AASS: variants seen among roughly 807,000 people sequenced by gnomAD.
The protein encoded by AASS is alpha-aminoadipic semialdehyde synthase, mitochondrial.
Under a neutral mutation model 105.4 loss-of-function variants are expected in AASS, and 86 were observed. That is an observed-to-expected ratio of 0.82 (90% CI 0.69 to 0.98). The LOEUF (loss-of-function observed/expected upper bound fraction) is 0.98. Ranked by LOEUF, AASS falls within the 50% of genes least tolerant of loss-of-function variation. The pLI is 0.00. For synonymous variants in AASS, 381 were observed against 394.8 expected (o/e 0.96, Z 0.41); for missense variants, 1,048 against 1,143.2 (o/e 0.92, Z 1.20).
In AASS at chr7:122,118,580, G is replaced by A. The variant is rs138307481; in HGVS notation, c.523C>T (p.His175Tyr). 3.3e-5 allele frequency: 54 copies of A among 1,613,944 alleles called. No individual in the cohort carries two copies. Among genetic ancestry groups the A allele is most frequent in the Non-Finnish European group, 4.4e-5 (52 of 1,179,996 alleles). The part of the protein sequence containing the change: ...GMGLRLLALG[H>Y]HTPFMHIGMA... ...TCTCTTACCATAAAAGGTGTGTGAT[G>A]TCCCAAAGCAAGGAGCCTTAAACCC... The change falls in exon 5 of 24, where the codon CAT (histidine) becomes TAT (tyrosine). Residue 175 changes from histidine to tyrosine, a missense_variant. Physicochemically the swap from His to Tyr is moderately conservative, Grantham distance 83. Coordinates refer to ENST00000417368, the MANE Select transcript of AASS (RefSeq NM_005763.4).
At chr7:122,113,807 C>A in intron 9 of AASS, 87 bp from the exon 10 acceptor site, 1 of 1,452,874 alleles carries the variant, frequency 6.9e-7, no homozygotes, top group Non-Finnish European at 9.5e-7. Context: ...GAACAATTTT[C>A]AATGTGGATC....
intron 4 of AASS, among the ~76,000 whole-genome samples, chr7:122,121,315 G>A (rs1476655656): frequency 6.6e-6 from 1 of 151,946 alleles, no homozygotes. Context: ...ATCATTATTG[G>A]TGACATAAGT....
In AASS at chr7:122,113,253, T is replaced by C. The variant is rs780843689; in HGVS notation, c.1167-24A>G. ...CACTAAAAGCAGCAATGTGGTTTAT[T>C]CAGAAGCACAAAACATTATTTGTAA... On this transcript the variant is annotated intron_variant, in intron 10 of 23. Transcript: ENST00000417368. The C allele has an allele frequency of 2.5e-6, 4 of 1,588,728 alleles. No homozygotes were observed. In the Admixed American group the frequency reaches 5.0e-5, roughly 20 times the overall value.
At chr7:122,092,719 A>G (rs1584827968) in intron 17 of AASS, 124 bp downstream of exon 17, 15 of 800,102 alleles carry the variant, frequency 1.9e-5, no homozygotes, top group Middle Eastern at 2.4e-4. Flanking sequence ...AGCAAAACTC[A>G]GTCTCAAAAA....
intron 11 of AASS, among the ~76,000 whole-genome samples, chr7:122,106,782 A>C (rs1794686155): frequency 6.6e-6 from 1 of 152,172 alleles, no homozygotes; most frequent in African/African-American, 2.4e-5. Flanking sequence ...TAAAGAATGA[A>C]ATGTAAAACC....
intron 3 of AASS, among the ~76,000 whole-genome samples, chr7:122,128,321 A>G (rs1010720213): frequency 3.9e-5 from 6 of 152,270 alleles, no homozygotes; most frequent in Admixed American, 1.3e-4. Flanking sequence ...ATTTCTGAAC[A>G]TGGTGTACTC....
intron 15 of AASS, among the ~76,000 whole-genome samples, 148 bp downstream of exon 15, chr7:122,098,295 GCTATATA>G: frequency 1.3e-5 from 2 of 151,912 alleles, no homozygotes; most frequent in South Asian, 4.2e-4. Context: ...AATTCATTGA[GCTATATA>G]CTTATGATTT....
intron 1 of AASS, among the ~76,000 whole-genome samples, chr7:122,134,710 A>G (rs1370998132): frequency 6.6e-6 from 1 of 152,180 alleles, no homozygotes; most frequent in East Asian, 1.9e-4. Flanking sequence ...TGTGGAAGAC[A>G]ATGTGGCGAT....
In AASS at chr7:122,074,277, T is replaced by G. The variant is rs1477803395; in HGVS notation, c.*2212A>C. On this transcript the variant is annotated 3_prime_UTR_variant, in exon 24 of 24. Coordinates refer to ENST00000417368, the MANE Select transcript of AASS (RefSeq NM_005763.4). ...GCTTATTGGCCTTTTGTGTATCTTC[T>G]TTGGAGAACTGTTAATTCAGATCTC... 1.3e-5 allele frequency among the ~76,000 whole-genome samples: 2 copies of G among 152,220 alleles called. No individual in the cohort carries two copies. Among genetic ancestry groups the G allele is most frequent in the African/African-American group, 4.8e-5 (2 of 41,456 alleles).
intron 18 of AASS, among the ~76,000 whole-genome samples, chr7:122,090,316 CA>C (rs1371392795): frequency 1.3e-5 from 2 of 152,086 alleles, no homozygotes; most frequent in Non-Finnish European, 2.9e-5. Flanking sequence ...TTCTCAAATT[CA>C]GCTGCATATT....
chr7:122,141,486 G>A (rs182009132), intron 1 of AASS, among the ~76,000 whole-genome samples: 2 of 152,102 alleles, frequency 1.3e-5, no homozygotes, highest in African/African-American at 4.8e-5. Flanking sequence ...ACTCATCTCT[G>A]TATTCCCAAT....
intron 19 of AASS, among the ~76,000 whole-genome samples, chr7:122,082,173 A>T (rs777571793): frequency 6.6e-5 from 10 of 152,172 alleles, no homozygotes; most frequent in Non-Finnish European, 1.3e-4. Context: ...TGATGATATC[A>T]TCACTCTGAT....
chr7:122,088,536 T>C (rs1356184906), intron 18 of AASS, among the ~76,000 whole-genome samples: 1 of 152,102 alleles, frequency 6.6e-6, no homozygotes, highest in East Asian at 1.9e-4. Flanking sequence ...TGGATCAGTA[T>C]TTTGAAAGGG....
chr7:122,134,401 A>T (rs1796052327), intron 1 of AASS, among the ~76,000 whole-genome samples: 1 of 152,140 alleles, frequency 6.6e-6, no homozygotes, highest in Non-Finnish European at 1.5e-5. Flanking sequence ...ATGAAGTCTC[A>T]CTCTGTCAAT....
intron 19 of AASS, among the ~76,000 whole-genome samples, chr7:122,082,263 T>C (rs1408745342): frequency 1.3e-5 from 2 of 152,180 alleles, no homozygotes; most frequent in African/African-American, 4.8e-5. Context: ...CATCACAACA[T>C]GCTCATCTAG....
intron 4 of AASS, among the ~76,000 whole-genome samples, chr7:122,125,570 C>T (rs894259731): frequency 2.0e-5 from 3 of 152,108 alleles, no homozygotes; most frequent in East Asian, 3.9e-4. Context: ...GTTCTGTATT[C>T]GTTCCTATTG....
intron 1 of AASS, among the ~76,000 whole-genome samples, chr7:122,137,804 T>C (rs1043695758): frequency 1.3e-5 from 2 of 152,200 alleles, no homozygotes; most frequent in Admixed American, 1.3e-4. Flanking sequence ...TATCAGGAAG[T>C]AAATTCAATG....
chr7:122,078,189 T>C (rs1176971909), intron 22 of AASS, among the ~76,000 whole-genome samples, 175 bp from the exon 23 acceptor site: 1 of 152,134 alleles, frequency 6.6e-6, no homozygotes, highest in Non-Finnish European at 1.5e-5. Flanking sequence ...TCAAGGAAAT[T>C]AGAACTCTGA....
chr7:122,112,995 G>A, intron 11 of AASS, 123 bp downstream of exon 11: 1 of 795,862 alleles, frequency 1.3e-6, no homozygotes, highest in Non-Finnish European at 2.2e-6. Context: ...GTATTTCAGG[G>A]AAGGGCTGGC....
Sources: gnomAD v4.1 joint callset for allele counts (sites outside exome capture counted in the v4.1 genomes callset) on GRCh38, gnomAD v4.1.1 for gene constraint, MANE v1.5 for transcripts, NCBI Gene and HGNC (gene_info 2026-07-23, HGNC 2026-07-21) for gene names.